Variants in ARHGEF7 observed in about 807,000 individuals in gnomAD.
ARHGEF7 encodes the protein Rho guanine nucleotide exchange factor 7.
ARHGEF7 carries 33 observed loss-of-function variants against 109.8 expected under a neutral mutation model. The ratio of observed to expected loss-of-function variants is 0.30; its 90% confidence interval spans 0.23 to 0.40. The LOEUF is 0.40. Among genes scored for constraint, ARHGEF7 ranks in the 10% least tolerant of loss-of-function variants. The pLI is 1.00. For synonymous variants in ARHGEF7, 458 were observed against 424.6 expected (o/e 1.08, Z -0.97); for missense variants, 938 against 1,098.5 (o/e 0.85, Z 2.07).
In ARHGEF7 at chr13:111,283,181, A is replaced by G. The variant is rs1385360996; in HGVS notation, c.1768A>G (p.Ser590Gly). 4.4e-6 allele frequency: 7 copies of G among 1,597,120 alleles called. No homozygotes were observed. The Admixed American group carries it at 1.2e-4, about 28-fold the overall frequency. ...PVTPSSKHAD[S>G]KPAPLTPAYH... ...CACTCCGTCCAGCAAGCACGCAGAC[A>G]GCAAGCCCGCGCCGCTGACGCCCGC... is the stretch of plus-strand genomic sequence containing the variant. Residue 590 changes from serine to glycine, a missense_variant, in exon 16 of 22, where the codon AGC becomes GGC. Around this residue, in one of 4 missense-constraint regions of ARHGEF7, gnomAD observed 585 missense variants for 723.6 expected, o/e 0.81. Coordinates refer to ENST00000646102, the MANE Select transcript of ARHGEF7 (RefSeq NM_001354046.2).
At chr13:111,238,753 C>G (rs1384768599) in intron 6 of ARHGEF7, among the ~76,000 whole-genome samples, 1 of 151,898 alleles carries the variant, frequency 6.6e-6, no homozygotes, top group Non-Finnish European at 1.5e-5. Context: ...GAGGAGCACC[C>G]CGCTCCGTCA....
chr13:111,194,281 T>G (rs7327991), intron 2 of ARHGEF7, among the ~76,000 whole-genome samples: 63,333 of 151,964 alleles, frequency 0.42, 13,743 homozygotes, highest in Non-Finnish European at 0.47. Context: ...TTGTACTAGG[T>G]TCTGCTTTTT....
chr13:111,289,739 T>C (rs888243422), intron 18 of ARHGEF7, among the ~76,000 whole-genome samples: 7 of 152,208 alleles, frequency 4.6e-5, no homozygotes, highest in African/African-American at 1.7e-4. Flanking sequence ...GCTGCAGCTG[T>C]GAAGATAGGA....
chr13:111,229,832 G>C (rs544024188), intron 5 of ARHGEF7, among the ~76,000 whole-genome samples: 121 of 152,334 alleles, frequency 7.9e-4, no homozygotes, highest in South Asian at 5.6e-3. Flanking sequence ...CTGCTAAGCA[G>C]GTGCGGGCTC....
At position 111,305,187 on chromosome 13, in the gene ARHGEF7, C is replaced by T. The variant is rs1006263533; in HGVS notation, c.*2074C>T. 6.6e-6 allele frequency: 1 copy of T among 152,212 alleles called. No individual in the cohort carries two copies. Among genetic ancestry groups the T allele is most frequent in the African/African-American group, 2.4e-5 (1 of 41,452 alleles). The allele number at this position is 152,212 out of a possible 1,614,324, so 9.4% of individuals were successfully genotyped here. On this transcript the variant is annotated 3_prime_UTR_variant, in exon 22 of 22. Coordinates refer to ENST00000646102, the MANE Select transcript of ARHGEF7 (RefSeq NM_001354046.2). Reference sequence around the variant, plus strand: ...ATGAGGGCCTCATGTTACGGCATTGCCTTTTCTTTCTGTGGATCCAGTATC... The same window carrying T: ...ATGAGGGCCTCATGTTACGGCATTGTCTTTTCTTTCTGTGGATCCAGTATC...
chr13:111,133,246 C>T (rs989654297), intron 1 of ARHGEF7, among the ~76,000 whole-genome samples: 18 of 151,582 alleles, frequency 1.2e-4, no homozygotes, highest in African/African-American at 1.9e-4. Context: ...CACACATATG[C>T]GCATATATAC....
chr13:111,209,743 T>C, intron 3 of ARHGEF7, 129 bp from the exon 4 acceptor site: 1 of 1,026,928 alleles, frequency 9.7e-7, no homozygotes, highest in South Asian at 2.5e-5. Flanking sequence ...TCTGCATAAA[T>C]GGGCTGCTTT....
chr13:111,141,801 G>C (rs1351131423), intron 1 of ARHGEF7, among the ~76,000 whole-genome samples: 2 of 152,204 alleles, frequency 1.3e-5, no homozygotes, highest in African/African-American at 4.8e-5. Flanking sequence ...GCAGGGTTTT[G>C]TGTGGACATA....
intron 8 of ARHGEF7, 48 bp downstream of exon 8, chr13:111,244,342 T>TATA (rs758590853): frequency 2.8e-6 from 3 of 1,079,412 alleles, no homozygotes; most frequent in Non-Finnish European, 4.1e-6. Context: ...GTATAATTGG[T>TATA]ATTTAAAGGA....
chr13:111,217,558 C>T, intron 4 of ARHGEF7, 121 bp from the exon 5 acceptor site: 3 of 958,240 alleles, frequency 3.1e-6, no homozygotes, highest in Admixed American at 2.2e-5. Context: ...TGAAATTTCT[C>T]TAAATGTATT....
At chr13:111,246,921 C>T (rs536382084) in intron 8 of ARHGEF7, among the ~76,000 whole-genome samples, 8 of 152,270 alleles carry the variant, frequency 5.3e-5, no homozygotes, top group East Asian at 1.9e-4. Context: ...TCACATTACT[C>T]GTTAAAAAGC....
At position 111,158,990 on chromosome 13, in the gene ARHGEF7, G is replaced by T. The variant is rs771457973; in HGVS notation, c.252+4999G>T. On this transcript the variant is annotated intron_variant, in intron 2 of 21. Coordinates refer to ENST00000646102, the MANE Select transcript of ARHGEF7 (RefSeq NM_001354046.2). The stretch of plus-strand genomic sequence containing the variant: ...ATTCCTCCCGTCCGACTGAAATTTT[G>T]TACCCTTTGACTAACATCTCCCCTT... The T allele has an allele frequency of 5.6e-6, 4 of 717,552 alleles. No individual in the cohort carries two copies. In the South Asian group the frequency reaches 5.9e-5, roughly 11 times the overall value. 44.4% of individuals were successfully genotyped at this position (717,552 alleles called of 1,614,324 possible).
At chr13:111,232,252 T>C (rs186089926) in intron 5 of ARHGEF7, among the ~76,000 whole-genome samples, 267 of 152,168 alleles carry the variant, frequency 1.8e-3, no homozygotes, top group African/African-American at 6.2e-3. Flanking sequence ...ACCCACCCCA[T>C]AGAACCAGTG....
chr13:111,183,216 G>T (rs1038674040), intron 2 of ARHGEF7, among the ~76,000 whole-genome samples: 1 of 152,190 alleles, frequency 6.6e-6, no homozygotes, highest in African/African-American at 2.4e-5. Flanking sequence ...ACTCGTGCTA[G>T]CAAGTTTTGT....
intron 8 of ARHGEF7, among the ~76,000 whole-genome samples, chr13:111,249,298 C>T (rs914289508): frequency 6.6e-6 from 1 of 152,056 alleles, no homozygotes; most frequent in Non-Finnish European, 1.5e-5. Context: ...CCAGAATATA[C>T]CTGATGCTAA....
chr13:111,132,380 G>A (rs1225781319), intron 1 of ARHGEF7, among the ~76,000 whole-genome samples: 2 of 152,160 alleles, frequency 1.3e-5, no homozygotes, highest in Non-Finnish European at 2.9e-5. Flanking sequence ...TCATTTGATA[G>A]TGAATGGCTT....
chr13:111,182,813 A>G (rs1039520701), intron 2 of ARHGEF7: 2 of 152,232 alleles, frequency 1.3e-5, no homozygotes, highest in African/African-American at 4.8e-5. Context: ...TGACTTTGCC[A>G]TGGTGCAAAA....
intron 2 of ARHGEF7, among the ~76,000 whole-genome samples, chr13:111,197,598 G>T (rs530193121): frequency 4.1e-4 from 62 of 152,314 alleles, no homozygotes; most frequent in Admixed American, 9.1e-4. Flanking sequence ...GATCTCCAGG[G>T]TTGGAAGAGT....
intron 5 of ARHGEF7, among the ~76,000 whole-genome samples, chr13:111,221,143 A>C (rs9560012): frequency 0.23 from 24,858 of 109,792 alleles, 3,758 homozygotes; most frequent in East Asian, 0.77. Context: ...CCTTTCATAT[A>C]TATATAGATA....
Sources: allele counts gnomAD v4.1 joint callset (sites outside exome capture counted in the v4.1 genomes callset), GRCh38; gene constraint gnomAD v4.1.1; regional missense constraint gnomAD v4.1.1; transcripts MANE v1.5; gene names NCBI Gene and HGNC (gene_info 2026-07-23, HGNC 2026-07-21).